The following NAALADL2 variants were observed in gnomAD, a reference collection of about 807,000 sequenced individuals.
The protein encoded by NAALADL2 is N-acetylated alpha-linked acidic dipeptidase like 2.
NAALADL2 carries 76 observed loss-of-function variants against 87.2 expected under a neutral mutation model. That is an observed-to-expected ratio of 0.87 (90% CI 0.72 to 1.05). The LOEUF (loss-of-function observed/expected upper bound fraction) is 1.05, where lower values mean the gene tolerates loss of function less well. Ranked by LOEUF, NAALADL2 falls within the 50% of genes least tolerant of loss-of-function variation. NAALADL2 has a pLI of 0.00. For missense variants in NAALADL2, 1,089 were observed against 945.8 expected, an observed-to-expected ratio of 1.15 and a Z score of -1.99; for synonymous variants, 354 against 331.0, an observed-to-expected ratio of 1.07 and a Z score of -0.75.
chr3:175,153,070 C>G (rs1305987755), intron 2 of NAALADL2, among the ~76,000 whole-genome samples: 4 of 151,950 alleles, frequency 2.6e-5, no homozygotes, highest in Non-Finnish European at 5.9e-5. Flanking sequence ...TTTCATATTT[C>G]TTATTTTCTC....
At chr3:175,534,041 A>ATAAATAAATTATTTATTTATAATAG (rs1734457724) in intron 9 of NAALADL2, among the ~76,000 whole-genome samples, 1 of 150,040 alleles carries the variant, frequency 6.7e-6, no homozygotes, top group African/African-American at 2.4e-5. Flanking sequence ...ATTTATTATA[A>ATAAATAAATTATTTATTTATAATAG]ATAAATTATT....
chr3:174,575,168 A>G (rs1560066316), intron 2 of NAALADL2, among the ~76,000 whole-genome samples: 1 of 152,120 alleles, frequency 6.6e-6, no homozygotes, highest in Non-Finnish European at 1.5e-5. Flanking sequence ...AGAAGTACTC[A>G]TATTTCTCTT....
intron 5 of NAALADL2, among the ~76,000 whole-genome samples, chr3:175,401,546 T>C (rs1037467610): frequency 1.3e-5 from 2 of 152,128 alleles, no homozygotes; most frequent in Non-Finnish European, 2.9e-5. Context: ...ACCCAGATTA[T>C]ATAGCCTAAC....
At chr3:175,209,854 G>T (rs1014654517) in intron 2 of NAALADL2, among the ~76,000 whole-genome samples, 1 of 151,566 alleles carries the variant, frequency 6.6e-6, no homozygotes, top group African/African-American at 2.4e-5. Flanking sequence ...GTTCCAAAAA[G>T]ATTAACACAC....
chr3:175,557,080 T>G (rs1331822958), intron 9 of NAALADL2, among the ~76,000 whole-genome samples: 1 of 152,242 alleles, frequency 6.6e-6, no homozygotes, highest in East Asian at 1.9e-4. Context: ...TGAATACATC[T>G]GTACAGACAT....
intron 1 of NAALADL2, among the ~76,000 whole-genome samples, chr3:174,471,463 A>C (rs1716900546): frequency 6.6e-6 from 1 of 152,072 alleles, no homozygotes; most frequent in African/African-American, 2.4e-5. Context: ...TCTTCTAATA[A>C]ATTAGAGTCT....
chr3:175,078,733 G>A (rs1056000199), intron 1 of NAALADL2, among the ~76,000 whole-genome samples: 1 of 152,254 alleles, frequency 6.6e-6, no homozygotes, highest in South Asian at 2.1e-4. Flanking sequence ...AGATGTTTTT[G>A]AGATTCATCC....
intron 2 of NAALADL2, among the ~76,000 whole-genome samples, chr3:174,712,913 A>G (rs529755169): frequency 6.6e-6 from 1 of 152,200 alleles, no homozygotes; most frequent in South Asian, 2.1e-4. Context: ...GTAACTCGTC[A>G]TTTAACATTA....
chr3:175,665,714 C>T (rs1349527619), intron 11 of NAALADL2, among the ~76,000 whole-genome samples: 6 of 152,094 alleles, frequency 3.9e-5, no homozygotes, highest in African/African-American at 1.4e-4. Flanking sequence ...GGGCAGATCA[C>T]GAGGTCAAGA....
chr3:175,219,668 T>C (rs1743047163), intron 2 of NAALADL2, among the ~76,000 whole-genome samples: 1 of 152,092 alleles, frequency 6.6e-6, no homozygotes, highest in Non-Finnish European at 1.5e-5. Flanking sequence ...TGAAATATCA[T>C]TACATATGTT....
At chr3:175,479,723 G>A (rs1726188557) in intron 9 of NAALADL2, among the ~76,000 whole-genome samples, 1 of 151,708 alleles carries the variant, frequency 6.6e-6, no homozygotes, top group Admixed American at 6.6e-5. Context: ...CAAATTTATA[G>A]CCTTAAGTGT....
At chr3:175,557,595 A>G (rs1290795421) in intron 9 of NAALADL2, among the ~76,000 whole-genome samples, 2 of 151,880 alleles carry the variant, frequency 1.3e-5, no homozygotes, top group African/African-American at 4.8e-5. Flanking sequence ...TCTACTCTTT[A>G]TCTCTGAGAG....
intron 3 of NAALADL2, among the ~76,000 whole-genome samples, chr3:174,851,384 CAG>C (rs1477757976): frequency 1.6e-5 from 2 of 122,388 alleles, no homozygotes; most frequent in East Asian, 4.8e-4. Flanking sequence ...AAAAAAAAAT[CAG>C]AGAGAAGACC....
intron 5 of NAALADL2, among the ~76,000 whole-genome samples, chr3:175,413,140 T>C (rs1053215597): frequency 7.7e-5 from 11 of 143,028 alleles, no homozygotes; most frequent in East Asian, 4.5e-4. Context: ...CTGCCCGCCT[T>C]GGCCTCCCAG....
chr3:175,074,492 AT>A (rs1321698835), intron 1 of NAALADL2, among the ~76,000 whole-genome samples: 1 of 151,954 alleles, frequency 6.6e-6, no homozygotes, highest in Non-Finnish European at 1.5e-5. Flanking sequence ...TTGTTATTGA[AT>A]TTTTTTGAAA....
chr3:175,098,473 G>C (rs372970015), intron 2 of NAALADL2, among the ~76,000 whole-genome samples: 44 of 152,196 alleles, frequency 2.9e-4, no homozygotes, highest in African/African-American at 9.6e-4. Flanking sequence ...AGAAAGTGAT[G>C]GGGCTGGAAT....
intron 1 of NAALADL2, among the ~76,000 whole-genome samples, chr3:174,958,306 G>T (rs959295319): frequency 2.0e-5 from 3 of 151,574 alleles, no homozygotes; most frequent in African/African-American, 7.3e-5. Flanking sequence ...GACTATATTA[G>T]ATGCCCAATA....
At chr3:174,723,871 A>G (rs115962214) in intron 2 of NAALADL2, among the ~76,000 whole-genome samples, 3,702 of 151,100 alleles carry the variant, frequency 0.025, 51 homozygotes, top group Middle Eastern at 0.049. Flanking sequence ...AGTTTTTATA[A>G]GTTGATCTAT....
intron 9 of NAALADL2, among the ~76,000 whole-genome samples, chr3:175,500,075 C>T (rs962887459): frequency 2.0e-5 from 3 of 151,854 alleles, no homozygotes; most frequent in East Asian, 3.9e-4. Context: ...AAATAAATAC[C>T]GAATGACTAC....
Sources: allele counts gnomAD v4.1 joint callset (sites outside exome capture counted in the v4.1 genomes callset), GRCh38; gene constraint gnomAD v4.1.1; transcripts MANE v1.5; gene names NCBI Gene and HGNC (gene_info 2026-07-23, HGNC 2026-07-21).